The following VPS13A variants were observed in gnomAD, a reference collection of about 807,000 sequenced individuals.
The protein encoded by VPS13A is intermembrane lipid transfer protein VPS13A.
In VPS13A, 264 loss-of-function variants were observed where a neutral mutation model predicts 390.9. That is an observed-to-expected ratio of 0.68 (90% confidence interval 0.61 to 0.75). VPS13A has a LOEUF of 0.75. Among genes scored for constraint, VPS13A ranks in the 30% least tolerant of loss-of-function variants. The probability of loss-of-function intolerance (pLI) is 0.00; values close to 1 mark genes in which losing one functional copy is unlikely to be tolerated. For missense variants in VPS13A, 3,409 were observed against 3,733.9 expected (o/e 0.91, Z 2.27); for synonymous variants, 1,231 against 1,227.1 (o/e 1.00, Z -0.07).
In VPS13A at chr9:77,221,254, G is replaced by A. The variant is rs1274674202; in HGVS notation, c.1059G>A (p.Lys353=). The change falls in exon 13 of 72, where the codon AAG becomes AAA. Residue 353 remains lysine, a synonymous_variant. Transcript: ENST00000360280. ...VCPRLWMWSW[K]HIRKHRQKVK... ...CCAGGTTATGGATGTGGTCATGGAA[G>A]CATATTAGAAAACATAGGCAAAAAG... 1 of 1,613,298 alleles carries A rather than the reference G, an allele frequency of 6.2e-7. No individual in the cohort carries two copies. The highest frequency in any genetic ancestry group is 1.7e-5 in the Admixed American group (1 of 59,960).
intron 61 of VPS13A, among the ~76,000 whole-genome samples, 187 bp downstream of exon 61, chr9:77,367,059 T>A (rs1355033655): frequency 6.6e-6 from 1 of 152,202 alleles, no homozygotes; most frequent in African/African-American, 2.4e-5. Context: ...AATTGCTAAA[T>A]TACAGAATTA....
intron 26 of VPS13A, among the ~76,000 whole-genome samples, chr9:77,278,578 T>A (rs1460366803): frequency 1.3e-5 from 2 of 152,226 alleles, no homozygotes; most frequent in South Asian, 2.1e-4. Flanking sequence ...TGAATAAATG[T>A]GTAAACAAAG....
At chr9:77,359,110 C>G (rs1263957560) in intron 57 of VPS13A, among the ~76,000 whole-genome samples, 1 of 152,132 alleles carries the variant, frequency 6.6e-6, no homozygotes, top group African/African-American at 2.4e-5. Context: ...TTCTAAACTG[C>G]TAATTGTAGA....
chr9:77,306,414 T>TG (rs1828752881), intron 34 of VPS13A, among the ~76,000 whole-genome samples: 1 of 140,780 alleles, frequency 7.1e-6, no homozygotes, highest in Non-Finnish European at 1.5e-5. Flanking sequence ...GTGTGTGTGT[T>TG]TGTGTGTGTG....
At chr9:77,255,955 T>C (rs1432909630) in intron 22 of VPS13A, among the ~76,000 whole-genome samples, 1 of 152,070 alleles carries the variant, frequency 6.6e-6, no homozygotes, top group Non-Finnish European at 1.5e-5. Context: ...CACATTTTTG[T>C]TGATTTTTTT....
intron 68 of VPS13A, among the ~76,000 whole-genome samples, chr9:77,389,459 C>T (rs1381689017): frequency 1.3e-5 from 2 of 152,050 alleles, no homozygotes; most frequent in African/African-American, 2.4e-5. Flanking sequence ...GCATGCACCA[C>T]TATGCCAGGC....
At chr9:77,310,659 T>C (rs1189828495) in intron 35 of VPS13A, among the ~76,000 whole-genome samples, 1 of 152,196 alleles carries the variant, frequency 6.6e-6, no homozygotes, top group Non-Finnish European at 1.5e-5. Flanking sequence ...CATGGAATAC[T>C]TCTTATGTAA....
At chr9:77,282,621 A>G (rs1331079916) in intron 29 of VPS13A, among the ~76,000 whole-genome samples, 1 of 152,176 alleles carries the variant, frequency 6.6e-6, no homozygotes, top group African/African-American at 2.4e-5. Context: ...AGATTAGACA[A>G]ATATGACTAA....
At chr9:77,390,352 C>G (rs917345311) in intron 68 of VPS13A, among the ~76,000 whole-genome samples, 1 of 151,972 alleles carries the variant, frequency 6.6e-6, no homozygotes, top group Non-Finnish European at 1.5e-5. Flanking sequence ...ATTATCATAC[C>G]TTACTAGTTT....
intron 23 of VPS13A, among the ~76,000 whole-genome samples, chr9:77,265,299 G>A (rs1240448864): frequency 6.6e-6 from 1 of 152,094 alleles, no homozygotes; most frequent in African/African-American, 2.4e-5. Context: ...AGCAGGATGA[G>A]GCTGGCTTCA....
rs560908152 is a variant in VPS13A at position 77,263,498 on chromosome 9, A to T, written c.2427+3274A>T. 2.0e-5 allele frequency among the ~76,000 whole-genome samples: 3 copies of T among 152,272 alleles called. No homozygotes were observed. In the East Asian group the frequency reaches 5.8e-4, roughly 29 times the overall value. The stretch of plus-strand genomic sequence containing the variant: ...ATTTGCATTTCTCTAATAACCAGTG[A>T]TGATGAGCTTTTTTTCATATGTTTG... On this transcript the variant is annotated intron_variant, in intron 23 of 71. Coordinates refer to ENST00000360280, the MANE Select transcript of VPS13A (RefSeq NM_033305.3).
chr9:77,334,696 G>A (rs1285720016), intron 46 of VPS13A, among the ~76,000 whole-genome samples: 11 of 152,010 alleles, frequency 7.2e-5, no homozygotes, highest in Non-Finnish European at 1.5e-4. Context: ...CTTCTTGTTG[G>A]TACATAATAG....
At chr9:77,198,390 C>T (rs1488805370) in intron 1 of VPS13A, among the ~76,000 whole-genome samples, 5 of 152,160 alleles carry the variant, frequency 3.3e-5, no homozygotes, top group Non-Finnish European at 7.4e-5. Flanking sequence ...CACATTTTCA[C>T]CATGTACCAT....
chr9:77,286,605 C>T lies in VPS13A; in HGVS notation c.3339+2955C>T, dbSNP rs116186234. Among the ~76,000 whole-genome samples the T allele has an allele frequency of 5.7e-3, 866 of 152,234 alleles. 12 individuals are homozygous for T. The highest frequency in any genetic ancestry group is 0.02 in the African/African-American group (835 of 41,538). On this transcript the variant is annotated intron_variant, in intron 31 of 71. Coordinates refer to ENST00000360280, the MANE Select transcript of VPS13A (RefSeq NM_033305.3). Reference sequence around the variant, plus strand: ...TGGCCTAGTATTGGTGTTGACAGTTCTGATGACAGTTTGACTTTCTTTCGC... The same window carrying T: ...TGGCCTAGTATTGGTGTTGACAGTTTTGATGACAGTTTGACTTTCTTTCGC...
At chr9:77,330,381 A>G (rs764872618) in intron 45 of VPS13A, among the ~76,000 whole-genome samples, 2 of 152,172 alleles carry the variant, frequency 1.3e-5, no homozygotes, top group Non-Finnish European at 2.9e-5. Context: ...GCTTATGCTC[A>G]TTCCGTTTTC....
At chr9:77,390,002 A>G (rs961783334) in intron 68 of VPS13A, 1 of 795,746 alleles carries the variant, frequency 1.3e-6, no homozygotes, top group Non-Finnish European at 1.5e-6. Context: ...TAGCAATTGG[A>G]AGATAACTGC....
intron 17 of VPS13A, among the ~76,000 whole-genome samples, chr9:77,237,490 G>A (rs1283055881): frequency 1.3e-5 from 2 of 151,742 alleles, no homozygotes; most frequent in Admixed American, 6.6e-5. Flanking sequence ...TCAGCCTCCC[G>A]AGTAGCTGGG....
At position 77,340,432 on chromosome 9, in the gene VPS13A, T is replaced by A; in HGVS notation, c.6908T>A (p.Phe2303Tyr). ...QVGVTIDLSS[F>Y]NITRIVTFTP... is the part of the protein sequence containing the mutation. ...GGTGTCACTATAGACCTGAGCAGTT[T>A]TAACATTACTAGAATTGTGACATTT... Residue 2303 changes from phenylalanine to tyrosine, a missense_variant, in exon 50 of 72, where the codon TTT becomes TAT. Phe to Tyr is a conservative substitution (Grantham distance 22). Coordinates refer to ENST00000360280, the MANE Select transcript of VPS13A (RefSeq NM_033305.3). The A allele has an allele frequency of 1.2e-6, 2 of 1,613,524 alleles. No homozygotes were observed. Among genetic ancestry groups the A allele is most frequent in the Non-Finnish European group, 1.7e-6 (2 of 1,179,678 alleles).
intron 44 of VPS13A, 41 bp downstream of exon 44, chr9:77,321,787 T>G (rs1309183673): frequency 7.5e-6 from 12 of 1,606,254 alleles, no homozygotes; most frequent in Non-Finnish European, 9.4e-6. Context: ...CTATTTTGTT[T>G]TAAATTACAA....
Sources: allele counts gnomAD v4.1 joint callset (sites outside exome capture counted in the v4.1 genomes callset), GRCh38; gene constraint gnomAD v4.1.1; transcripts MANE v1.5; gene names NCBI Gene and HGNC (gene_info 2026-07-23, HGNC 2026-07-21).